Variants in CNKSR3 observed in about 807,000 individuals in gnomAD.
CNKSR3 encodes the protein connector enhancer of kinase suppressor of ras 3.
In CNKSR3, 36 loss-of-function variants were observed where a neutral mutation model predicts 67.7. The ratio of observed to expected loss-of-function variants is 0.53; its 90% confidence interval spans 0.41 to 0.70. The LOEUF is 0.70. Ranked by LOEUF, CNKSR3 falls within the 30% of genes least tolerant of loss-of-function variation. The probability of loss-of-function intolerance (pLI) is 0.00; values close to 1 mark genes in which losing one functional copy is unlikely to be tolerated. For synonymous variants in CNKSR3, 281 were observed against 271.4 expected (o/e 1.04, Z -0.35); for missense variants, 630 against 695.2 (o/e 0.91, Z 1.05).
In CNKSR3 at chr6:154,473,653, G is replaced by A. The variant is rs190647406; in HGVS notation, c.53-23395C>T. Among the ~76,000 whole-genome samples the A allele has an allele frequency of 1.6e-3, 240 of 152,290 alleles. 2 individuals carry two copies. The highest frequency in any genetic ancestry group is 5.6e-3 in the African/African-American group (233 of 41,548). Reference sequence around the variant, plus strand: ...TGAACGACAGAGCCCGGCTCTTACAGAGCATCTAGAAGACAGTGAAGTCAG... The same window carrying A: ...TGAACGACAGAGCCCGGCTCTTACAAAGCATCTAGAAGACAGTGAAGTCAG... On this transcript the variant is annotated intron_variant, in intron 1 of 12. Coordinates refer to ENST00000607772, the MANE Select transcript of CNKSR3 (RefSeq NM_173515.4).
At chr6:154,476,715 A>G (rs937417602) in intron 1 of CNKSR3, among the ~76,000 whole-genome samples, 1 of 152,218 alleles carries the variant, frequency 6.6e-6, no homozygotes, top group Non-Finnish European at 1.5e-5. Flanking sequence ...GTAACCACAC[A>G]CTTCAGTGAT....
At chr6:154,441,876 C>G (rs567515737) in intron 3 of CNKSR3, among the ~76,000 whole-genome samples, 1 of 152,322 alleles carries the variant, frequency 6.6e-6, no homozygotes, top group Admixed American at 6.5e-5. Flanking sequence ...TCACTCTTCT[C>G]TAAGCTGAGG....
chr6:154,408,841 C>T (rs1007799913), intron 12 of CNKSR3, among the ~76,000 whole-genome samples: 2 of 151,968 alleles, frequency 1.3e-5, no homozygotes, highest in East Asian at 3.9e-4. Flanking sequence ...ACCTTTATTC[C>T]AAAACAATCA....
intron 1 of CNKSR3, among the ~76,000 whole-genome samples, chr6:154,476,656 G>T (rs1455734174): frequency 2.6e-5 from 4 of 152,124 alleles, no homozygotes; most frequent in Non-Finnish European, 5.9e-5. Flanking sequence ...GCATTCTGGG[G>T]TCACTCGGCA....
At chr6:154,421,296 G>A (rs1017599151) in intron 9 of CNKSR3, among the ~76,000 whole-genome samples, 5 of 152,184 alleles carry the variant, frequency 3.3e-5, no homozygotes, top group African/African-American at 4.8e-5. Flanking sequence ...TTACCGGCGT[G>A]AGCCACCACA....
chr6:154,449,478 C>T (rs893702292), intron 2 of CNKSR3, among the ~76,000 whole-genome samples: 19 of 152,122 alleles, frequency 1.2e-4, no homozygotes, highest in Non-Finnish European at 7.4e-5. Flanking sequence ...GCGTGCTAGC[C>T]ACACCTGGCT....
intron 1 of CNKSR3, among the ~76,000 whole-genome samples, chr6:154,505,721 C>T (rs751981245): frequency 2.0e-5 from 3 of 151,292 alleles, no homozygotes; most frequent in Non-Finnish European, 4.4e-5. Context: ...AGGATGGTCT[C>T]GATCTCCTGA....
chr6:154,435,767 GCA>G (rs1785458186), intron 4 of CNKSR3, among the ~76,000 whole-genome samples: 1 of 152,240 alleles, frequency 6.6e-6, no homozygotes, highest in Non-Finnish European at 1.5e-5. Context: ...AGCCTGGGTG[GCA>G]CTCAGCACCC....
chr6:154,419,464 A>T (rs1408065000), intron 9 of CNKSR3, among the ~76,000 whole-genome samples: 1 of 152,218 alleles, frequency 6.6e-6, no homozygotes, highest in East Asian at 1.9e-4. Context: ...GACAGCTGGC[A>T]CCTGTTGGAA....
rs1369568374 is a variant in CNKSR3, at chr6:154,405,613, T to C, written c.*741A>G. ...TTGCTTCACTTTTCTAAATGATACT[T>C]TGGCTGTCAGCGAATCTTATAGCTT... On this transcript the variant is annotated 3_prime_UTR_variant, in exon 13 of 13. Transcript: ENST00000607772. 1 of 152,236 alleles carries C rather than the reference T, an allele frequency of 6.6e-6. No homozygotes were observed. The highest frequency in any genetic ancestry group is 2.4e-5 in the African/African-American group (1 of 41,454). 9.4% of individuals were successfully genotyped at this position (152,236 alleles called of 1,614,324 possible). A position where few individuals can be genotyped will look rare whatever the true frequency, so the allele number is the denominator to read the frequency against.
intron 2 of CNKSR3, among the ~76,000 whole-genome samples, chr6:154,444,709 A>G (rs1785671840): frequency 6.6e-6 from 1 of 151,116 alleles, no homozygotes; most frequent in African/African-American, 2.4e-5. Flanking sequence ...TGGTTCAAGC[A>G]ATTCTCCTGC....
At chr6:154,419,733 T>C (rs541521962) in intron 9 of CNKSR3, among the ~76,000 whole-genome samples, 1 of 152,036 alleles carries the variant, frequency 6.6e-6, no homozygotes, top group African/African-American at 2.4e-5. Context: ...GATGAATGGA[T>C]AAGGAAAATG....
rs983644976 is a variant in CNKSR3 at position 154,436,698 on chromosome 6, C to T, written c.508-3191G>A. 9.9e-5 allele frequency among the ~76,000 whole-genome samples: 15 copies of T among 152,126 alleles called. 1 individual carries two copies. The highest frequency in any genetic ancestry group is 7.9e-4 in the Admixed American group (12 of 15,262). On this transcript the variant is annotated intron_variant, in intron 4 of 12. Coordinates refer to ENST00000607772, the MANE Select transcript of CNKSR3 (RefSeq NM_173515.4). Reference sequence around the variant, plus strand: ...ACTGAAACTCAGCACCTGCCAGGGCCATTGTGTCTCTCTTGCCGTCTCTAT... The same window carrying T: ...ACTGAAACTCAGCACCTGCCAGGGCTATTGTGTCTCTCTTGCCGTCTCTAT...
chr6:154,422,946 T>G lies in CNKSR3; in HGVS notation c.767A>C (p.Asp256Ala). 1 of 1,613,326 alleles carries G rather than the reference T, an allele frequency of 6.2e-7. No homozygotes were observed. Residue 256 changes from aspartate (D) to alanine (A), a missense_variant, in exon 8 of 13, where the codon GAC (aspartate) becomes GCC (alanine). Asp to Ala is a moderately radical substitution (Grantham distance 126). Coordinates refer to ENST00000607772, the MANE Select transcript of CNKSR3 (RefSeq NM_173515.4). ...TTGCTGATTAACTTGAATGACTTCG[T>G]CACCAGCATGAATCTTCTGAGATCT... ...ADRSQKIHAGDEVIQVNQQTV... is the reference protein window; with the variant it reads ...ADRSQKIHAGAEVIQVNQQTV...
chr6:154,411,696 T>C (rs575111021), intron 10 of CNKSR3, among the ~76,000 whole-genome samples: 2 of 149,442 alleles, frequency 1.3e-5, no homozygotes, highest in African/African-American at 4.9e-5. Context: ...CAAACAAATA[T>C]AGCTTTGAAA....
At chr6:154,433,539 A>G in intron 4 of CNKSR3, 32 bp from the exon 5 acceptor site, 1 of 1,523,198 alleles carries the variant, frequency 6.6e-7, no homozygotes, top group South Asian at 1.2e-5. Flanking sequence ...ATGAATACTA[A>G]GTACAAGAGT....
chr6:154,406,137 T>G lies in CNKSR3; in HGVS notation c.*217A>C, dbSNP rs1262492003. ...GACAAACAGGCTCTACCCATTTCCC[T>G]CCTTTTGTCTCCACAAGCCAGCACC... On this transcript the variant is annotated 3_prime_UTR_variant, in exon 13 of 13. Transcript: ENST00000607772. The G allele has an allele frequency of 3.6e-6, 2 of 560,384 alleles. No homozygotes were observed. Among genetic ancestry groups the G allele is most frequent in the Non-Finnish European group, 6.3e-6 (2 of 316,154 alleles). The allele number at this position is 560,384 out of a possible 1,614,324, so 34.7% of individuals were successfully genotyped here.
chr6:154,494,597 A>G (rs1462396389), intron 1 of CNKSR3, among the ~76,000 whole-genome samples: 1 of 152,220 alleles, frequency 6.6e-6, no homozygotes. Flanking sequence ...TAAGTAAAGG[A>G]TTTATTAACC....
In CNKSR3 at chr6:154,401,679, G is replaced by A. The variant is rs188484312; in HGVS notation, c.*4675C>T. 96 of 152,284 alleles carry A rather than the reference G, an allele frequency of 6.3e-4. No individual in the cohort carries two copies. The highest frequency in any genetic ancestry group is 2.2e-3 in the African/African-American group (90 of 41,548). 9.4% of individuals were successfully genotyped at this position (152,284 alleles called of 1,614,324 possible). A position where few individuals can be genotyped will look rare whatever the true frequency, so the allele number is the denominator to read the frequency against. On this transcript the variant is annotated 3_prime_UTR_variant, in exon 13 of 13. Coordinates refer to ENST00000607772, the MANE Select transcript of CNKSR3 (RefSeq NM_173515.4). ...TAGCTTGCAGTAGTCTCATCCCCAC[G>A]GAAATGATGCAGTGATTTTATGCAC...
Sources: allele counts gnomAD v4.1 joint callset (sites outside exome capture counted in the v4.1 genomes callset), GRCh38; gene constraint gnomAD v4.1.1; transcripts MANE v1.5; gene names NCBI Gene and HGNC (gene_info 2026-07-23, HGNC 2026-07-21).